Variants in ZNF420 observed in about 807,000 individuals in gnomAD.
The protein encoded by ZNF420 is zinc finger protein 420, also known as ATM and p53-associated KZNF protein.
A neutral mutation model predicts 44.7 loss-of-function variants in ZNF420; 31 were observed. The observed-to-expected ratio is 0.69, with a 90% CI of 0.52 to 0.94. ZNF420 has a LOEUF of 0.94. Ranked by LOEUF, ZNF420 falls within the 40% of genes least tolerant of loss-of-function variation. The pLI is 0.00. For synonymous variants in ZNF420, 245 were observed against 267.4 expected (o/e 0.92, Z 0.82); for missense variants, 681 against 827.9 (o/e 0.82, Z 2.18).
chr19:37,082,625 C>A lies in ZNF420; in HGVS notation c.-81+2237C>A, dbSNP rs760733128. On this transcript the variant is annotated intron_variant, in intron 2 of 4. Coordinates refer to ENST00000337995, the MANE Select transcript of ZNF420 (RefSeq NM_144689.5). ...TTTTCTGCCTTCTTTTGGATTGAGA[C>A]AGAGTTTCAAAATAACAATACCAAT... 6.0e-4 allele frequency among the ~76,000 whole-genome samples: 91 copies of A among 152,198 alleles called. 1 individual carries two copies. The highest frequency in any genetic ancestry group is 2.6e-4 in the Non-Finnish European group (18 of 68,008).
chr19:37,034,338 T>G (rs79241700), intron 1 of ZNF420, among the ~76,000 whole-genome samples: 2,240 of 152,322 alleles, frequency 0.015, 24 homozygotes, highest in African/African-American at 0.028. Flanking sequence ...TCTATGTAAG[T>G]CCTTTGCCTA....
chr19:37,116,598 C>G (rs940617157), intron 4 of ZNF420, among the ~76,000 whole-genome samples: 1 of 152,038 alleles, frequency 6.6e-6, no homozygotes, highest in Non-Finnish European at 1.5e-5. Context: ...GAGTGCCAGA[C>G]AGTGGGTGCA....
chr19:37,104,448 G>A (rs998824634), intron 4 of ZNF420, among the ~76,000 whole-genome samples: 3 of 152,034 alleles, frequency 2.0e-5, no homozygotes, highest in East Asian at 1.9e-4. Flanking sequence ...ATAAACATAC[G>A]TGTGCATGTG....
In ZNF420 at chr19:37,129,856, TAATA is replaced by T. The variant is rs1408159768; in HGVS notation, c.*802_*805del. 6.3e-6 allele frequency: 5 copies of T among 796,140 alleles called. No homozygotes were observed. Among genetic ancestry groups the T allele is most frequent in the East Asian group, 3.2e-5 (1 of 31,728 alleles). The allele number at this position is 796,140 out of a possible 1,614,324, so 49.3% of individuals were successfully genotyped here. ...TTAACGAAGTCTAAGATCCAAAGTC[TAATA>T]AATCTAGGAATTTTTTAAAAACTTG... On this transcript the variant is annotated 3_prime_UTR_variant, in exon 5 of 5. Transcript: ENST00000337995.
At chr19:37,105,231 C>T (rs1599686547) in intron 4 of ZNF420, among the ~76,000 whole-genome samples, 1 of 152,164 alleles carries the variant, frequency 6.6e-6, no homozygotes, top group Admixed American at 6.5e-5. Context: ...AGCCAGTTTT[C>T]CCAGCACCAT....
At chr19:37,098,974 C>T (rs932389921) in intron 4 of ZNF420, among the ~76,000 whole-genome samples, 10 of 152,106 alleles carry the variant, frequency 6.6e-5, no homozygotes, top group Admixed American at 6.5e-5. Flanking sequence ...ATATAATGTC[C>T]TCTAGCTTCA....
chr19:37,109,955 A>C (rs1644542356), intron 4 of ZNF420: 1 of 151,936 alleles, frequency 6.6e-6, no homozygotes, highest in Non-Finnish European at 1.5e-5. Context: ...TTGTTTAACT[A>C]ATTGAGTTTT....
chr19:37,119,700 A>G (rs1458103720), intron 4 of ZNF420, among the ~76,000 whole-genome samples: 1 of 152,082 alleles, frequency 6.6e-6, no homozygotes, highest in Non-Finnish European at 1.5e-5. Context: ...TTTTTTGAAA[A>G]GATCAACAAA....
At chr19:37,011,258 G>C (rs1453469843) in intron 1 of ZNF420, among the ~76,000 whole-genome samples, 1 of 152,216 alleles carries the variant, frequency 6.6e-6, no homozygotes, top group Admixed American at 6.5e-5. Context: ...GGATTGGGCA[G>C]GTTTGATGAT....
At chr19:37,093,963 C>T (rs1969299658) in intron 4 of ZNF420, among the ~76,000 whole-genome samples, 1 of 152,112 alleles carries the variant, frequency 6.6e-6, no homozygotes, top group African/African-American at 2.4e-5. Flanking sequence ...CTAAAAGCCA[C>T]TGAATTGTGC....
intron 4 of ZNF420, among the ~76,000 whole-genome samples, chr19:37,116,570 C>A (rs931798334): frequency 6.6e-6 from 1 of 152,054 alleles, no homozygotes; most frequent in African/African-American, 2.4e-5. Flanking sequence ...TCTGAGGTAC[C>A]GGGTTCATCT....
At chr19:37,052,953 G>T (rs1191010376) in intron 1 of ZNF420, among the ~76,000 whole-genome samples, 1 of 152,198 alleles carries the variant, frequency 6.6e-6, no homozygotes, top group South Asian at 2.1e-4. Flanking sequence ...ACCCTGCAGA[G>T]TGTTTTCCAG....
intron 1 of ZNF420, among the ~76,000 whole-genome samples, chr19:37,056,070 C>T (rs1038866310): frequency 1.3e-5 from 2 of 150,954 alleles, no homozygotes; most frequent in South Asian, 2.1e-4. Flanking sequence ...TCTCTTCTCT[C>T]TCTGTCTCTC....
upstream of ZNF420, among the ~76,000 whole-genome samples, chr19:37,076,761 T>C (rs1325446617): frequency 1.3e-5 from 2 of 152,212 alleles, no homozygotes; most frequent in Admixed American, 1.3e-4. Flanking sequence ...ATTTTCTTAA[T>C]CCAGTCTATC....
intron 1 of ZNF420, among the ~76,000 whole-genome samples, chr19:37,021,936 C>CAAAAAAAAAAAAAAAAAAAAA (rs60559933): frequency 2.4e-5 from 2 of 84,584 alleles, no homozygotes; most frequent in Non-Finnish European, 4.5e-5. Flanking sequence ...CAGTCTGTCT[C>CAAAAAAAAAAAAAAAAAAAAA]AAAAAAAAAA....
intron 1 of ZNF420, among the ~76,000 whole-genome samples, chr19:37,042,919 C>A (rs1967482072): frequency 1.3e-5 from 2 of 151,986 alleles, no homozygotes; most frequent in African/African-American, 4.8e-5. Context: ...TATTCATTGA[C>A]ATAATTTTAA....
intron 1 of ZNF420, among the ~76,000 whole-genome samples, chr19:37,059,328 G>A (rs1016455854): frequency 6.6e-6 from 1 of 152,228 alleles, no homozygotes; most frequent in Non-Finnish European, 1.5e-5. Context: ...AGGGGCCGCA[G>A]CCTGACTTCT....
At chr19:37,036,605 C>T (rs1967359269) in intron 1 of ZNF420, among the ~76,000 whole-genome samples, 1 of 152,132 alleles carries the variant, frequency 6.6e-6, no homozygotes, top group Non-Finnish European at 1.5e-5. Flanking sequence ...AGTCTAGTGC[C>T]TTCTAATTGC....
chr19:37,078,213 G>T (rs1216127383), upstream of ZNF420: 3 of 152,302 alleles, frequency 2.0e-5, no homozygotes, highest in Admixed American at 2.0e-4. Context: ...CGGGCGGGCG[G>T]GCACTCCCAG....
Sources: allele counts gnomAD v4.1 joint callset (sites outside exome capture counted in the v4.1 genomes callset), GRCh38; gene constraint gnomAD v4.1.1; transcripts MANE v1.5; gene names NCBI Gene and HGNC (gene_info 2026-07-23, HGNC 2026-07-21).